SCEL: variants seen among roughly 807,000 people sequenced by gnomAD.
SCEL encodes the protein sciellin.
A neutral mutation model predicts 117.6 loss-of-function variants in SCEL; 113 were observed. The observed-to-expected ratio is 0.96, with a 90% CI of 0.83 to 1.12. The LOEUF (loss-of-function observed/expected upper bound fraction) is 1.12. Ranked by LOEUF, SCEL falls within the 50% of genes most tolerant of loss-of-function variation. The probability of loss-of-function intolerance (pLI) is 0.00; values close to 1 mark genes in which losing one functional copy is unlikely to be tolerated. For missense variants in SCEL, 785 were observed against 810.8 expected, an observed-to-expected ratio of 0.97 and a Z score of 0.39; for synonymous variants, 270 against 256.2, an observed-to-expected ratio of 1.05 and a Z score of -0.51.
chr13:77,559,720 C>G, intron 3 of SCEL, 84 bp from the exon 4 acceptor site: 1 of 1,209,358 alleles, frequency 8.3e-7, no homozygotes, highest in Non-Finnish European at 1.2e-6. Context: ...AAATTGGGAG[C>G]TCGCCCGCAT....
chr13:77,557,159 C>A (rs574546393), intron 3 of SCEL, among the ~76,000 whole-genome samples: 1 of 151,966 alleles, frequency 6.6e-6, no homozygotes, highest in East Asian at 1.9e-4. Flanking sequence ...AAAAAATTAC[C>A]GACTTATTTT....
In SCEL at chr13:77,602,667, G is replaced by A. The variant is rs201091090; in HGVS notation, c.991G>A (p.Glu331Lys). ...TTTTTTCCAAAGAAGACAAAATCTC[G>A]AATCTGTTGCTAAAGTGAATGCCAG... ...DKNEKGRQNL[E>K]SVAKVNARMN... The change falls in exon 17 of 33, where the codon GAA becomes AAA. Residue 331 changes from glutamate (E) to lysine (K), a missense_variant. Transcript: ENST00000349847. The A allele has an allele frequency of 1.1e-5, 18 of 1,613,448 alleles. No homozygotes were observed. The highest frequency in any genetic ancestry group is 3.3e-5 in the South Asian group (3 of 91,010).
intron 16 of SCEL, 186 bp downstream of exon 16, chr13:77,602,310 T>C (rs1594086439): frequency 7.7e-6 from 4 of 518,388 alleles, no homozygotes; most frequent in East Asian, 3.1e-5. Context: ...TTGAGTTACA[T>C]TGAAGTAGGT....
At chr13:77,589,563 A>G (rs567828488) in intron 10 of SCEL, among the ~76,000 whole-genome samples, 1 of 152,292 alleles carries the variant, frequency 6.6e-6, no homozygotes, top group East Asian at 1.9e-4. Context: ...ATCACATATA[A>G]TATACATATA....
At chr13:77,604,521 AAACT>A (rs1433073678) in intron 19 of SCEL, 106 bp downstream of exon 19, 31 of 812,122 alleles carry the variant, frequency 3.8e-5, no homozygotes, top group Admixed American at 2.9e-5. Flanking sequence ...AGGCCAAAAC[AAACT>A]GAGCTCTTTT....
At chr13:77,570,802 T>TA (rs998663745) in intron 8 of SCEL, among the ~76,000 whole-genome samples, 5 of 152,238 alleles carry the variant, frequency 3.3e-5, no homozygotes, top group Non-Finnish European at 5.9e-5. Context: ...AATATTCACT[T>TA]ACGCTTTCAA....
At chr13:77,557,160 G>A (rs542052246) in intron 3 of SCEL, among the ~76,000 whole-genome samples, 129 of 152,214 alleles carry the variant, frequency 8.5e-4, no homozygotes, top group African/African-American at 2.0e-3. Flanking sequence ...AAAAATTACC[G>A]ACTTATTTTA....
At chr13:77,593,963 T>A (rs1421210310) in intron 12 of SCEL, among the ~76,000 whole-genome samples, 2 of 152,180 alleles carry the variant, frequency 1.3e-5, no homozygotes, top group Non-Finnish European at 2.9e-5. Flanking sequence ...TCTCTGTTCT[T>A]GAATTCCTGC....
At chr13:77,642,462 T>A (rs1169152076) in intron 31 of SCEL, among the ~76,000 whole-genome samples, 6 of 152,222 alleles carry the variant, frequency 3.9e-5, no homozygotes, top group Non-Finnish European at 1.5e-5. Flanking sequence ...CTCCCTTAAG[T>A]TAGCAAACAA....
intron 18 of SCEL, among the ~76,000 whole-genome samples, chr13:77,603,367 C>T (rs755133090): frequency 1.3e-5 from 2 of 152,136 alleles, no homozygotes; most frequent in African/African-American, 4.8e-5. Flanking sequence ...TTTGATTTGT[C>T]TTCAGAGTAA....
intron 1 of SCEL, among the ~76,000 whole-genome samples, chr13:77,546,348 G>C (rs752868052): frequency 6.6e-6 from 1 of 152,140 alleles, no homozygotes; most frequent in Non-Finnish European, 1.5e-5. Flanking sequence ...CAGTCACACA[G>C]ACCTAACTGC....
chr13:77,601,114 C>CTTT (rs11378449), intron 15 of SCEL, among the ~76,000 whole-genome samples: 5 of 141,060 alleles, frequency 3.5e-5, no homozygotes, highest in South Asian at 4.5e-4. Flanking sequence ...AAAACAGTCT[C>CTTT]TTTTTTTTTT....
chr13:77,637,257 T>C (rs1337883455), intron 30 of SCEL, 63 bp downstream of exon 30: 59 of 441,210 alleles, frequency 1.3e-4, no homozygotes, highest in East Asian at 3.9e-4. Context: ...CACACATATA[T>C]ATATATATAT....
chr13:77,596,954 G>A (rs2087273566), intron 12 of SCEL: 1 of 152,176 alleles, frequency 6.6e-6, no homozygotes, highest in Non-Finnish European at 1.5e-5. Context: ...TGTCAAATGT[G>A]GAAACAGGCT....
intron 9 of SCEL, among the ~76,000 whole-genome samples, chr13:77,580,059 G>A (rs1329259421): frequency 6.6e-6 from 1 of 152,202 alleles, no homozygotes; most frequent in Non-Finnish European, 1.5e-5. Context: ...GTAAGACACT[G>A]TGTGCAGATA....
intron 27 of SCEL, among the ~76,000 whole-genome samples, chr13:77,618,314 G>T (rs1421370595): frequency 6.6e-6 from 1 of 151,978 alleles, no homozygotes; most frequent in Non-Finnish European, 1.5e-5. Flanking sequence ...CTGAGTAACT[G>T]GGACTACAGG....
At chr13:77,604,323 A>AT in intron 18 of SCEL, 33 bp from the exon 19 acceptor site, 1 of 1,361,848 alleles carries the variant, frequency 7.3e-7, no homozygotes, top group Non-Finnish European at 1.0e-6. Context: ...ATACTTTAAC[A>AT]TCATTCATTA....
rs770531639 is a variant in SCEL at position 77,556,651 on chromosome 13, G to A, written c.99G>A (p.Val33=). The change falls in exon 3 of 33, where the codon GTG becomes GTA. Residue 33 remains valine, a synonymous_variant. Coordinates refer to ENST00000349847, the MANE Select transcript of SCEL (RefSeq NM_144777.3). ...TTRKQQDFHE[V]NKRRTFLQDN... ...GGAAGCAGCAGGATTTTCACGAGGTGAACAAAAGAAGAACTTTCTTACAGG... is the reference window on the plus strand; with the variant it reads ...GGAAGCAGCAGGATTTTCACGAGGTAAACAAAAGAAGAACTTTCTTACAGG... 58 of 1,613,986 alleles carry A rather than the reference G, an allele frequency of 3.6e-5. No individual in the cohort carries two copies. The highest frequency in any genetic ancestry group is 4.6e-5 in the Non-Finnish European group (54 of 1,179,982).
chr13:77,554,975 C>G (rs2084567391), intron 1 of SCEL, among the ~76,000 whole-genome samples: 2 of 152,006 alleles, frequency 1.3e-5, no homozygotes, highest in Admixed American at 1.3e-4. Context: ...CACAAAGGCC[C>G]CCAATATATT....
Sources: allele counts gnomAD v4.1 joint callset (sites outside exome capture counted in the v4.1 genomes callset), GRCh38; gene constraint gnomAD v4.1.1; transcripts MANE v1.5; gene names NCBI Gene and HGNC (gene_info 2026-07-23, HGNC 2026-07-21).